TMEM132D: variants seen among roughly 807,000 people sequenced by gnomAD.
TMEM132D encodes the protein transmembrane protein 132D.
TMEM132D carries 21 observed loss-of-function variants against 62.3 expected under a neutral mutation model. That is an observed-to-expected ratio of 0.34 (90% CI 0.24 to 0.49). TMEM132D has a LOEUF of 0.49. Among genes scored for constraint, TMEM132D ranks in the 20% least tolerant of loss-of-function variants. The pLI is 0.99. For synonymous variants in TMEM132D, 621 were observed against 575.6 expected (o/e 1.08, Z -1.13); for missense variants, 1,346 against 1,402.8 (o/e 0.96, Z 0.65).
chr12:129,324,499 C>T (rs757087269), intron 4 of TMEM132D, among the ~76,000 whole-genome samples: 3 of 152,118 alleles, frequency 2.0e-5, no homozygotes, highest in Admixed American at 1.3e-4. Flanking sequence ...GGACATTCAA[C>T]GTTACTTTTA....
At chr12:129,258,385 C>T (rs533602539) in intron 4 of TMEM132D, among the ~76,000 whole-genome samples, 1 of 152,194 alleles carries the variant, frequency 6.6e-6, no homozygotes, top group East Asian at 1.9e-4. Flanking sequence ...TGATACTATT[C>T]TTGATGTTTT....
At chr12:129,558,052 C>T (rs1032540985) in intron 2 of TMEM132D, among the ~76,000 whole-genome samples, 1 of 152,140 alleles carries the variant, frequency 6.6e-6, no homozygotes, top group African/African-American at 2.4e-5. Context: ...GTTACATAGT[C>T]AGGGTGGTGT....
intron 2 of TMEM132D, among the ~76,000 whole-genome samples, chr12:129,624,381 T>C (rs1010585212): frequency 6.6e-6 from 1 of 152,362 alleles, no homozygotes; most frequent in East Asian, 1.9e-4. Flanking sequence ...GGGACAATTG[T>C]GAAGACTTTT....
At chr12:129,547,928 T>C (rs1176718519) in intron 2 of TMEM132D, among the ~76,000 whole-genome samples, 1 of 152,168 alleles carries the variant, frequency 6.6e-6, no homozygotes, top group African/African-American at 2.4e-5. Context: ...TCTTACACAC[T>C]GTGCTGTGCT....
intron 1 of TMEM132D, among the ~76,000 whole-genome samples, chr12:129,771,231 C>A (rs2137282941): frequency 6.6e-6 from 1 of 152,354 alleles, no homozygotes; most frequent in Admixed American, 6.5e-5. Flanking sequence ...TCCTAACAGG[C>A]AGCACAGGGC....
intron 3 of TMEM132D, among the ~76,000 whole-genome samples, chr12:129,429,980 T>G (rs1377891633): frequency 5.3e-5 from 8 of 152,082 alleles, no homozygotes; most frequent in Admixed American, 3.3e-4. Context: ...TCCAGTCTAT[T>G]GTTGTTGGAC....
In TMEM132D at chr12:129,561,794, A is replaced by G. The variant is rs181098320; in HGVS notation, c.969-30589T>C. Reference sequence around the variant, plus strand: ...AATCAGCCCTCATCCAAATTGAGATATTAAGAATATAAATCTCAGGAGGTT... The same window carrying G: ...AATCAGCCCTCATCCAAATTGAGATGTTAAGAATATAAATCTCAGGAGGTT... On this transcript the variant is annotated intron_variant, in intron 2 of 8. Transcript: ENST00000422113. Among the ~76,000 whole-genome samples, 542 of 152,330 alleles carry G rather than the reference A, an allele frequency of 3.6e-3. 12 individuals carry two copies. Among genetic ancestry groups the G allele is most frequent in the Non-Finnish European group, 1.1e-3 (74 of 68,018 alleles).
chr12:129,140,870 C>T (rs1365069841), intron 5 of TMEM132D, among the ~76,000 whole-genome samples: 1 of 151,858 alleles, frequency 6.6e-6, no homozygotes, highest in Middle Eastern at 3.2e-3. Context: ...TGTGATTCAC[C>T]CATATTGTTG....
chr12:129,593,604 T>C (rs1026207833), intron 2 of TMEM132D, among the ~76,000 whole-genome samples: 4 of 152,214 alleles, frequency 2.6e-5, no homozygotes, highest in Admixed American at 1.3e-4. Flanking sequence ...CCCTGAAATA[T>C]TGCACTTTTG....
At chr12:129,215,614 G>C (rs1196265687) in intron 4 of TMEM132D, among the ~76,000 whole-genome samples, 2 of 152,206 alleles carry the variant, frequency 1.3e-5, no homozygotes, top group African/African-American at 4.8e-5. Flanking sequence ...TGACTCAAAG[G>C]TGGTGGTATG....
At chr12:129,653,087 G>A (rs1879973189) in intron 2 of TMEM132D, among the ~76,000 whole-genome samples, 1 of 152,210 alleles carries the variant, frequency 6.6e-6, no homozygotes, top group African/African-American at 2.4e-5. Context: ...TGGATGGGGT[G>A]GTGTTGAAGC....
At chr12:129,294,046 C>A (rs935234121) in intron 4 of TMEM132D, among the ~76,000 whole-genome samples, 1 of 152,166 alleles carries the variant, frequency 6.6e-6, no homozygotes, top group Non-Finnish European at 1.5e-5. Context: ...TTGGGTTGCA[C>A]CCTTGTAAAG....
At chr12:129,354,411 C>T (rs1256705248) in intron 3 of TMEM132D, among the ~76,000 whole-genome samples, 4 of 151,960 alleles carry the variant, frequency 2.6e-5, no homozygotes, top group Non-Finnish European at 5.9e-5. Context: ...GCAACCTCCA[C>T]CTCCTGGGTT....
intron 4 of TMEM132D, among the ~76,000 whole-genome samples, chr12:129,324,925 G>A (rs1406659219): frequency 1.3e-5 from 2 of 152,222 alleles, no homozygotes; most frequent in Non-Finnish European, 1.5e-5. Context: ...AGCAGCACAT[G>A]TATTTACTGT....
chr12:129,807,201 G>A (rs950311612), intron 1 of TMEM132D, among the ~76,000 whole-genome samples: 8 of 152,238 alleles, frequency 5.3e-5, no homozygotes, highest in Admixed American at 3.9e-4. Flanking sequence ...AATTAGCAAG[G>A]ACCCTGGAGC....
At chr12:129,462,651 A>G (rs529719029) in intron 3 of TMEM132D, among the ~76,000 whole-genome samples, 1 of 152,316 alleles carries the variant, frequency 6.6e-6, no homozygotes, top group Non-Finnish European at 1.5e-5. Flanking sequence ...TCACAATGGC[A>G]CTAAATATTC....
At chr12:129,363,306 A>G (rs1333064935) in intron 3 of TMEM132D, among the ~76,000 whole-genome samples, 1 of 152,236 alleles carries the variant, frequency 6.6e-6, no homozygotes, top group Non-Finnish European at 1.5e-5. Flanking sequence ...CCTCTGAAGC[A>G]TGTAAAATCT....
chr12:129,666,488 T>A (rs548309938), intron 2 of TMEM132D, among the ~76,000 whole-genome samples: 72 of 152,324 alleles, frequency 4.7e-4, no homozygotes, highest in African/African-American at 1.7e-3. Context: ...AAATAAAATG[T>A]CTTGAAAATG....
intron 4 of TMEM132D, among the ~76,000 whole-genome samples, chr12:129,274,878 C>T (rs1193022290): frequency 2.0e-5 from 3 of 152,190 alleles, no homozygotes; most frequent in African/African-American, 7.2e-5. Context: ...CAGAGCGAGA[C>T]TCCGTCTCAA....
Sources: gnomAD v4.1 joint callset for allele counts (sites outside exome capture counted in the v4.1 genomes callset) on GRCh38, gnomAD v4.1.1 for gene constraint, MANE v1.5 for transcripts, NCBI Gene and HGNC (gene_info 2026-07-23, HGNC 2026-07-21) for gene names.